The following STX12 variants were observed in gnomAD, a reference collection of about 807,000 sequenced individuals.
The protein encoded by STX12 is syntaxin-12.
STX12 carries 17 observed loss-of-function variants against 42.2 expected under a neutral mutation model. The observed-to-expected ratio is 0.40, with a 90% CI of 0.28 to 0.60. STX12 has a LOEUF of 0.60. Among genes scored for constraint, STX12 ranks in the 20% least tolerant of loss-of-function variants. The pLI, the probability that STX12 is intolerant of heterozygous loss-of-function variation, is 0.39. For missense variants in STX12, 297 were observed against 330.9 expected (o/e 0.90, Z 0.79); for synonymous variants, 108 against 116.7 (o/e 0.93, Z 0.48).
At chr1:27,790,003 T>C (rs1333447123) in intron 2 of STX12, among the ~76,000 whole-genome samples, 1 of 152,082 alleles carries the variant, frequency 6.6e-6, no homozygotes, top group Non-Finnish European at 1.5e-5. Flanking sequence ...CCAGCTACAG[T>C]CAGCCTTCCA....
At chr1:27,784,893 C>G (rs2088689814) in intron 1 of STX12, among the ~76,000 whole-genome samples, 1 of 151,972 alleles carries the variant, frequency 6.6e-6, no homozygotes, top group African/African-American at 2.4e-5. Context: ...ATAATATTCC[C>G]AACACCCCCA....
At chr1:27,814,782 G>A (rs2088929031) in intron 6 of STX12, among the ~76,000 whole-genome samples, 1 of 151,054 alleles carries the variant, frequency 6.6e-6, no homozygotes, top group South Asian at 2.1e-4. Context: ...CCTGGGAGGC[G>A]GAGGTTGCAG....
chr1:27,811,281 C>G (rs968897373), intron 5 of STX12, among the ~76,000 whole-genome samples: 1 of 121,188 alleles, frequency 8.3e-6, no homozygotes, highest in Non-Finnish European at 1.7e-5. Flanking sequence ...TCACTCCGGC[C>G]TGGATGAAAG....
chr1:27,812,918 A>G (rs116647826), intron 6 of STX12, among the ~76,000 whole-genome samples: 2,012 of 152,278 alleles, frequency 0.013, 46 homozygotes, highest in African/African-American at 0.046. Context: ...TCAAATCTCA[A>G]TGCCAACCTC....
chr1:27,789,471 G>A, intron 1 of STX12, 91 bp from the exon 2 acceptor site: 1 of 927,154 alleles, frequency 1.1e-6, no homozygotes, highest in Non-Finnish European at 1.6e-6. Flanking sequence ...TACTTATTCT[G>A]AATGGGAAGA....
intron 6 of STX12, among the ~76,000 whole-genome samples, chr1:27,816,034 C>T (rs1000191154): frequency 1.3e-5 from 2 of 151,722 alleles, no homozygotes; most frequent in Non-Finnish European, 2.9e-5. Context: ...AAATTAGGGC[C>T]GGGCACAGTA....
chr1:27,801,973 G>T, intron 4 of STX12, 158 bp downstream of exon 4: 1 of 657,470 alleles, frequency 1.5e-6, no homozygotes, highest in Non-Finnish European at 2.3e-6. Context: ...ATATGCATGT[G>T]ATCAAAGCCT....
intron 6 of STX12, among the ~76,000 whole-genome samples, chr1:27,815,709 T>C (rs1261777592): frequency 6.6e-6 from 1 of 152,202 alleles, no homozygotes; most frequent in Non-Finnish European, 1.5e-5. Flanking sequence ...GATAGTCCAC[T>C]ATAGTAGACT....
At chr1:27,796,164 C>G (rs1407011584) in intron 3 of STX12, among the ~76,000 whole-genome samples, 1 of 152,188 alleles carries the variant, frequency 6.6e-6, no homozygotes, top group African/African-American at 2.4e-5. Flanking sequence ...CAAACATACT[C>G]TCTCTGGTGA....
intron 1 of STX12, among the ~76,000 whole-genome samples, chr1:27,780,209 G>GTTTTTTT (rs199499561): frequency 4.8e-5 from 6 of 125,950 alleles, no homozygotes; most frequent in African/African-American, 1.9e-4. Flanking sequence ...TTCTTTGCTT[G>GTTTTTTT]TTTTTTTTTT....
chr1:27,790,732 A>C (rs1438513274), intron 2 of STX12, among the ~76,000 whole-genome samples: 1 of 151,054 alleles, frequency 6.6e-6, no homozygotes, highest in African/African-American at 2.4e-5. Context: ...ACCTGAGGTC[A>C]GGAGTTCAAG....
chr1:27,789,099 T>C (rs982063506), intron 1 of STX12, among the ~76,000 whole-genome samples: 2 of 152,206 alleles, frequency 1.3e-5, no homozygotes, highest in Non-Finnish European at 2.9e-5. Context: ...AAGCTCTTAG[T>C]ATATAGTGCC....
At position 27,815,902 on chromosome 1, in the gene STX12, G is replaced by C. The variant is rs116072314; in HGVS notation, c.577-1949G>C. On this transcript the variant is annotated intron_variant, in intron 6 of 8. Coordinates refer to ENST00000373943, the MANE Select transcript of STX12 (RefSeq NM_177424.3). ...AGAAAAACTCAAATATAGGCCAGACGTGGTGGTTCACACCTGTAATCCCAG... is the reference window on the plus strand; with the variant it reads ...AGAAAAACTCAAATATAGGCCAGACCTGGTGGTTCACACCTGTAATCCCAG... 3.9e-5 allele frequency among the ~76,000 whole-genome samples: 6 copies of C among 152,286 alleles called. No individual in the cohort carries two copies. The South Asian group carries it at 1.2e-3, about 32-fold the overall frequency.
At chr1:27,774,284 A>C (rs1265880778) in intron 1 of STX12, among the ~76,000 whole-genome samples, 1 of 152,128 alleles carries the variant, frequency 6.6e-6, no homozygotes, top group Non-Finnish European at 1.5e-5. Flanking sequence ...TCTGAGTGAA[A>C]CTGTAGCTGA....
intron 5 of STX12, 141 bp from the exon 6 acceptor site, chr1:27,812,022 C>T (rs2088906245): frequency 1.4e-6 from 1 of 728,976 alleles, no homozygotes; most frequent in African/African-American, 1.8e-5. Flanking sequence ...AGAATGTGGC[C>T]CTCCAAGACT....
chr1:27,779,677 T>C (rs1255553797), intron 1 of STX12, among the ~76,000 whole-genome samples: 1 of 152,120 alleles, frequency 6.6e-6, no homozygotes, highest in Non-Finnish European at 1.5e-5. Flanking sequence ...CCCTGCGATC[T>C]TAACCCAAAT....
At chr1:27,783,253 T>TA (rs2088680018) in intron 1 of STX12, among the ~76,000 whole-genome samples, 1 of 152,216 alleles carries the variant, frequency 6.6e-6, no homozygotes, top group South Asian at 2.1e-4. Flanking sequence ...CATACTCTTT[T>TA]AAAAGTTTTA....
intron 3 of STX12, among the ~76,000 whole-genome samples, chr1:27,797,907 C>CACAG (rs1391081206): frequency 1.3e-5 from 2 of 151,812 alleles, no homozygotes; most frequent in East Asian, 3.9e-4. Context: ...CACACACACA[C>CACAG]AGAGTCTATA....
At chr1:27,821,401 A>G (rs1330394513) in intron 8 of STX12, among the ~76,000 whole-genome samples, 1 of 152,208 alleles carries the variant, frequency 6.6e-6, no homozygotes, top group Non-Finnish European at 1.5e-5. Context: ...TTAAACAGAA[A>G]AATGTTTATA....
Sources: gnomAD v4.1 joint callset for allele counts (sites outside exome capture counted in the v4.1 genomes callset) on GRCh38, gnomAD v4.1.1 for gene constraint, MANE v1.5 for transcripts, NCBI Gene and HGNC (gene_info 2026-07-23, HGNC 2026-07-21) for gene names.